Variants in GPSM2 observed in about 807,000 individuals in gnomAD.
GPSM2 encodes the protein G protein signaling modulator 2.
GPSM2 carries 58 observed loss-of-function variants against 78.4 expected under a neutral mutation model. The ratio of observed to expected loss-of-function variants is 0.74; its 90% CI spans 0.60 to 0.92. The LOEUF (loss-of-function observed/expected upper bound fraction) is 0.92, where lower values mean the gene tolerates loss of function less well. Ranked by LOEUF, GPSM2 falls within the 40% of genes least tolerant of loss-of-function variation. The probability of loss-of-function intolerance (pLI) is 0.00; values close to 1 mark genes in which losing one functional copy is unlikely to be tolerated. For synonymous variants in GPSM2, 224 were observed against 280.2 expected (o/e 0.80, Z 2.00); for missense variants, 700 against 815.5 (o/e 0.86, Z 1.73).
At chr1:108,879,294 T>G (rs1665778119) in intron 1 of GPSM2, among the ~76,000 whole-genome samples, 1 of 152,228 alleles carries the variant, frequency 6.6e-6, no homozygotes, top group Admixed American at 6.5e-5. Context: ...TCATAATTCC[T>G]GTCTTCTTCC....
In GPSM2 at chr1:108,930,083, A is replaced by G; in HGVS notation, c.*143A>G. 1 of 764,962 alleles carries G rather than the reference A, an allele frequency of 1.3e-6. No homozygotes were observed. 47.4% of individuals were successfully genotyped at this position (764,962 alleles called of 1,614,324 possible). A position where few individuals can be genotyped will look rare whatever the true frequency, so the allele number is the denominator to read the frequency against. The stretch of plus-strand genomic sequence containing the variant: ...GTAAATAGTTAACCTTCAGTAGTCT[A>G]TTAAGGCATTAATACTTCTCTGGAC... On this transcript the variant is annotated 3_prime_UTR_variant, in exon 15 of 15. Coordinates refer to ENST00000264126, the MANE Select transcript of GPSM2 (RefSeq NM_013296.5).
chr1:108,919,143 G>A (rs912234000), intron 12 of GPSM2, among the ~76,000 whole-genome samples: 1 of 151,884 alleles, frequency 6.6e-6, no homozygotes, highest in Non-Finnish European at 1.5e-5. Flanking sequence ...GAGTAGCTGC[G>A]ATTACAGGTG....
intron 7 of GPSM2, 23 bp from the exon 8 acceptor site, chr1:108,901,767 T>C: frequency 6.3e-7 from 1 of 1,580,806 alleles, no homozygotes; most frequent in Non-Finnish European, 8.7e-7. Context: ...GATCATTATA[T>C]AAGAATTAAT....
At chr1:108,920,689 T>A (rs1375456123) in intron 12 of GPSM2, among the ~76,000 whole-genome samples, 1 of 152,068 alleles carries the variant, frequency 6.6e-6, no homozygotes, top group Admixed American at 6.6e-5. Context: ...TTTTCTGGGG[T>A]AGCTATGACT....
chr1:108,879,343 G>C (rs191944239), intron 1 of GPSM2, among the ~76,000 whole-genome samples: 3 of 152,278 alleles, frequency 2.0e-5, no homozygotes, highest in Admixed American at 2.0e-4. Flanking sequence ...TCTCTTATGT[G>C]CAAAGCAATG....
At chr1:108,923,196 CTAAT>C (rs1274581297) in intron 13 of GPSM2, among the ~76,000 whole-genome samples, 1 of 152,038 alleles carries the variant, frequency 6.6e-6, no homozygotes, top group East Asian at 2.0e-4. Context: ...CCATGCCTGG[CTAAT>C]TATTTTTATT....
rs1665654558 is a variant in GPSM2, at chr1:108,877,057, G to A, written c.-420G>A. The A allele has an allele frequency of 6.6e-6, 1 of 152,480 alleles. No homozygotes were observed. The highest frequency in any genetic ancestry group is 2.1e-4 in the South Asian group (1 of 4,836). 9.4% of individuals were successfully genotyped at this position (152,480 alleles called of 1,614,324 possible). A position where few individuals can be genotyped will look rare whatever the true frequency, so the allele number is the denominator to read the frequency against. ...TGGCGGAGGGACGCTCCGGGAAAGCGAGGGGCGCTACGAGCTCTGGCCCAC... is the reference window on the plus strand; with the variant it reads ...TGGCGGAGGGACGCTCCGGGAAAGCAAGGGGCGCTACGAGCTCTGGCCCAC... On this transcript the variant is annotated 5_prime_UTR_variant, in exon 1 of 15. Transcript: ENST00000264126.
At chr1:108,927,040 T>A (rs181971969) in intron 14 of GPSM2, 1 of 152,278 alleles carries the variant, frequency 6.6e-6, no homozygotes, top group Admixed American at 6.5e-5. Flanking sequence ...AAAAGAAATT[T>A]AAAATTCCAT....
At chr1:108,911,117 T>C (rs1430699612) in intron 10 of GPSM2, among the ~76,000 whole-genome samples, 1 of 152,004 alleles carries the variant, frequency 6.6e-6, no homozygotes, top group Non-Finnish European at 1.5e-5. Flanking sequence ...TATAAGGATA[T>C]AATAAACCTG....
At chr1:108,888,650 T>C (rs1248785448) in intron 2 of GPSM2, among the ~76,000 whole-genome samples, 1 of 152,212 alleles carries the variant, frequency 6.6e-6, no homozygotes, top group African/African-American at 2.4e-5. Context: ...GGTAATAGAT[T>C]CTTTATCAAA....
At chr1:108,906,793 G>T (rs1649266295) in intron 10 of GPSM2, among the ~76,000 whole-genome samples, 1 of 152,084 alleles carries the variant, frequency 6.6e-6, no homozygotes, top group East Asian at 1.9e-4. Flanking sequence ...CAGGAGAATC[G>T]CTTGAACCTG....
intron 10 of GPSM2, among the ~76,000 whole-genome samples, chr1:108,912,097 C>T (rs1487034091): frequency 2.6e-5 from 4 of 152,036 alleles, no homozygotes; most frequent in African/African-American, 7.2e-5. Flanking sequence ...CATGCACCAC[C>T]GTGCCCGGCT....
At chr1:108,910,478 A>T (rs748441836) in intron 10 of GPSM2, among the ~76,000 whole-genome samples, 2 of 152,214 alleles carry the variant, frequency 1.3e-5, no homozygotes, top group Admixed American at 6.5e-5. Flanking sequence ...GAACAATACA[A>T]GAAAAGTAAA....
intron 2 of GPSM2, among the ~76,000 whole-genome samples, chr1:108,887,757 C>A (rs367588319): frequency 6.6e-6 from 1 of 152,346 alleles, no homozygotes; most frequent in African/African-American, 2.4e-5. Context: ...TGAGAGCATG[C>A]AGCCTACCCC....
chr1:108,879,889 T>A (rs563435685), intron 1 of GPSM2, among the ~76,000 whole-genome samples: 1 of 152,334 alleles, frequency 6.6e-6, no homozygotes, highest in African/African-American at 2.4e-5. Context: ...TTGTTACTGT[T>A]CTACCTTCTC....
At position 108,918,699 on chromosome 1, in the gene GPSM2, G is replaced by A. The variant is rs963843637; in HGVS notation, c.1350G>A (p.Leu450=). ...PSAKLLFVNR[L]KGKKYKTNSS... ...CAAAGCTACTCTTTGTCAACAGACT[G>A]AAGGGGAAAAAATACAAAACGAATT... Residue 450 remains leucine, a synonymous_variant, in exon 12 of 15, where the codon CTG becomes CTA. Transcript: ENST00000264126. 1.8e-5 allele frequency: 29 copies of A among 1,613,154 alleles called. No individual in the cohort carries two copies. The highest frequency in any genetic ancestry group is 2.5e-5 in the Non-Finnish European group (29 of 1,179,302).
chr1:108,880,348 A>G (rs1289560317), intron 1 of GPSM2, among the ~76,000 whole-genome samples: 1 of 152,214 alleles, frequency 6.6e-6, no homozygotes, highest in East Asian at 1.9e-4. Flanking sequence ...TAATCCCAGC[A>G]CTTTGAGGGG....
intron 11 of GPSM2, among the ~76,000 whole-genome samples, chr1:108,917,747 G>A (rs1208878205): frequency 6.8e-6 from 1 of 146,588 alleles, no homozygotes; most frequent in African/African-American, 2.5e-5. Flanking sequence ...TCAGCCTCCT[G>A]AGTAGCTGGG....
At chr1:108,879,356 G>A (rs1218384005) in intron 1 of GPSM2, among the ~76,000 whole-genome samples, 1 of 152,310 alleles carries the variant, frequency 6.6e-6, no homozygotes, top group Non-Finnish European at 1.5e-5. Flanking sequence ...AAGCAATGTC[G>A]TTGGTGTTGT....
Sources: allele counts gnomAD v4.1 joint callset (sites outside exome capture counted in the v4.1 genomes callset), GRCh38; gene constraint gnomAD v4.1.1; transcripts MANE v1.5; gene names NCBI Gene and HGNC (gene_info 2026-07-23, HGNC 2026-07-21).